Variants in TTC39B observed in about 807,000 individuals in gnomAD.
TTC39B encodes tetratricopeptide repeat domain 39B, also known as tetratricopeptide repeat protein 39B.
In TTC39B, 92 loss-of-function variants were observed where a neutral mutation model predicts 96.6. The observed-to-expected ratio is 0.95, with a 90% confidence interval of 0.80 to 1.13. TTC39B has a LOEUF of 1.13. Ranked by LOEUF, TTC39B falls within the 50% of genes most tolerant of loss-of-function variation. TTC39B has a pLI of 0.00. For missense variants in TTC39B, 955 were observed against 809.3 expected, an observed-to-expected ratio of 1.18 and a Z score of -2.18; for synonymous variants, 367 against 299.4, an observed-to-expected ratio of 1.23 and a Z score of -2.33.
intron 1 of TTC39B, 74 bp downstream of exon 1, chr9:15,307,010 C>A (rs1824773528): frequency 6.4e-7 from 1 of 1,562,364 alleles, no homozygotes; most frequent in African/African-American, 1.4e-5. Context: ...CCGTCCTAGC[C>A]GGGCTCACTC....
intron 19 of TTC39B, 85 bp downstream of exon 19, chr9:15,174,934 G>A: frequency 2.4e-6 from 2 of 842,260 alleles, no homozygotes; most frequent in Admixed American, 1.8e-5. Flanking sequence ...TAATTGTTAA[G>A]TATATAATGT....
chr9:15,268,011 T>TA, intron 1 of TTC39B, 63 bp from the exon 2 acceptor site: 1 of 1,515,116 alleles, frequency 6.6e-7, no homozygotes, highest in Non-Finnish European at 9.1e-7. Flanking sequence ...TCAAGAATTC[T>TA]AAAAGAGAAA....
At chr9:15,252,369 C>G (rs1822592944) in intron 2 of TTC39B, among the ~76,000 whole-genome samples, 1 of 152,130 alleles carries the variant, frequency 6.6e-6, no homozygotes. Context: ...AAAAGGTGGG[C>G]CGGGCGCAGT....
chr9:15,286,082 TA>T (rs1385335416), intron 1 of TTC39B, among the ~76,000 whole-genome samples: 1 of 152,210 alleles, frequency 6.6e-6, no homozygotes, highest in East Asian at 1.9e-4. Context: ...GCATGTTTCC[TA>T]AAAATAAGGA....
chr9:15,264,654 T>TAAA (rs546870324), intron 2 of TTC39B, among the ~76,000 whole-genome samples: 9,436 of 117,874 alleles, frequency 0.08, 502 homozygotes, highest in African/African-American at 0.15. Context: ...GACTCTGTCT[T>TAAA]AAAAAAAAAA....
chr9:15,283,668 C>G (rs1244114261), intron 1 of TTC39B, among the ~76,000 whole-genome samples: 2 of 152,086 alleles, frequency 1.3e-5, no homozygotes, highest in East Asian at 3.8e-4. Flanking sequence ...ATGGAATTGG[C>G]ACAGGAACAT....
rs145136273 is a variant in TTC39B at position 15,302,659 on chromosome 9, C to T, written c.240+4425G>A. 7.5e-4 allele frequency among the ~76,000 whole-genome samples: 112 copies of T among 149,822 alleles called. 1 individual carries two copies. The East Asian group carries it at 0.016, about 22-fold the overall frequency. On this transcript the variant is annotated intron_variant, in intron 1 of 19. Coordinates refer to ENST00000512701, the Ensembl canonical transcript of TTC39B. ...AGGAGTTCGAGACCGGCCTGGCCAA[C>T]GTGCTGAAACTCTGTTTCTACTAAA... is the stretch of plus-strand genomic sequence containing the variant.
chr9:15,253,662 A>G (rs1822646941), intron 2 of TTC39B, among the ~76,000 whole-genome samples: 1 of 152,128 alleles, frequency 6.6e-6, no homozygotes, highest in Non-Finnish European at 1.5e-5. Context: ...CTTTGCCAAT[A>G]TTATCATCAA....
intron 13 of TTC39B, 42 bp from the exon 14 acceptor site, chr9:15,188,174 C>T (rs371462233): frequency 1.3e-6 from 2 of 1,528,860 alleles, no homozygotes; most frequent in African/African-American, 1.4e-5. Context: ...AGATATTAGA[C>T]AAGGAGATAA....
At chr9:15,236,894 A>G (rs1821806482) in intron 2 of TTC39B, among the ~76,000 whole-genome samples, 1 of 152,210 alleles carries the variant, frequency 6.6e-6, no homozygotes, top group African/African-American at 2.4e-5. Flanking sequence ...TCAAATTAAC[A>G]ACCTAACATC....
chr9:15,204,607 T>C (rs1819740548), intron 6 of TTC39B, among the ~76,000 whole-genome samples: 2 of 151,848 alleles, frequency 1.3e-5, no homozygotes, highest in Non-Finnish European at 1.5e-5. Context: ...AATGCTAGCT[T>C]CTAAAATATG....
chr9:15,191,243 A>G (rs1306662189), exon 10 of TTC39B: 16 of 1,610,014 alleles, frequency 9.9e-6, no homozygotes, highest in Non-Finnish European at 1.2e-5. Flanking sequence ...CTTGCTGGTA[A>G]AAGGGACAGC....
At chr9:15,211,294 T>C (rs764576934) in exon 5 of TTC39B, 2 of 1,580,276 alleles carry the variant, frequency 1.3e-6, no homozygotes, top group South Asian at 2.3e-5. Context: ...GCGTCCTTCA[T>C]GGCAGAAATG....
chr9:15,269,570 C>G (rs1365603620), intron 1 of TTC39B, among the ~76,000 whole-genome samples: 1 of 152,108 alleles, frequency 6.6e-6, no homozygotes, highest in African/African-American at 2.4e-5. Context: ...AAAGAAGAAC[C>G]TGGCCAGGCG....
intron 2 of TTC39B, among the ~76,000 whole-genome samples, chr9:15,234,362 G>A (rs945036437): frequency 6.9e-6 from 1 of 143,992 alleles, no homozygotes; most frequent in Non-Finnish European, 1.5e-5. Flanking sequence ...GAGGTGGGGG[G>A]GTCAGCCCCC....
chr9:15,227,179 T>G (rs1194393888), intron 2 of TTC39B, among the ~76,000 whole-genome samples: 1 of 151,970 alleles, frequency 6.6e-6, no homozygotes, highest in Non-Finnish European at 1.5e-5. Flanking sequence ...TCGTGGCGCA[T>G]GCCTGTAATC....
chr9:15,185,544 A>G lies in TTC39B; in HGVS notation c.1488-138T>C, dbSNP rs74556876. ...ACCTGGGAACCTATTTGAAATGCCA[A>G]TTTTCAGGCCCTACTCTAGACCTAC... On this transcript the variant is annotated intron_variant, in intron 15 of 19. Transcript: ENST00000512701. 6,797 of 1,365,584 alleles carry G rather than the reference A, an allele frequency of 5.0e-3. 123 individuals carry two copies. The African/African-American group carries it at 0.051, about 10-fold the overall frequency. 84.6% of individuals were successfully genotyped at this position (1,365,584 alleles called of 1,614,324 possible). A position where few individuals can be genotyped will look rare whatever the true frequency, so the allele number is the denominator to read the frequency against.
intron 2 of TTC39B, among the ~76,000 whole-genome samples, chr9:15,228,380 C>G (rs1821243419): frequency 6.6e-6 from 1 of 152,142 alleles, no homozygotes; most frequent in South Asian, 2.1e-4. Flanking sequence ...AGGAGAATTG[C>G]TTGAACCCGG....
rs868052906 is a variant in TTC39B at position 15,295,788 on chromosome 9, A to G, written c.240+11296T>C. On this transcript the variant is annotated intron_variant, in intron 1 of 19. Coordinates refer to ENST00000512701, the Ensembl canonical transcript of TTC39B. ...GTCAGAGAGGAAATGGGAAGCCAGA[A>G]TCTAAGCCCAGCTGGCCACTCTCTC... Among the ~76,000 whole-genome samples the G allele has an allele frequency of 2.0e-5, 3 of 152,320 alleles. No individual in the cohort carries two copies. In the South Asian group the frequency reaches 6.2e-4, roughly 32 times the overall value.
Sources: gnomAD v4.1 joint callset for allele counts (sites outside exome capture counted in the v4.1 genomes callset) on GRCh38, gnomAD v4.1.1 for gene constraint, MANE v1.5 for transcripts, NCBI Gene and HGNC (gene_info 2026-07-23, HGNC 2026-07-21) for gene names.